The following CTNNA2 variants were observed in gnomAD, a reference collection of about 807,000 sequenced individuals.
The protein encoded by CTNNA2 is catenin alpha 2.
In CTNNA2, 42 loss-of-function variants were observed where a neutral mutation model predicts 101.0. The ratio of observed to expected loss-of-function variants is 0.42; its 90% CI spans 0.32 to 0.54. The LOEUF is 0.54. CTNNA2 is among the 20% of genes least tolerant of loss of function. CTNNA2 has a pLI of 0.14. For synonymous variants in CTNNA2, 450 were observed against 456.4 expected, an observed-to-expected ratio of 0.99 and a Z score of 0.18; for missense variants, 871 against 1,223.1, an observed-to-expected ratio of 0.71 and a Z score of 4.29.
chr2:80,588,294 G>C (rs1297593434), intron 14 of CTNNA2, among the ~76,000 whole-genome samples: 1 of 152,072 alleles, frequency 6.6e-6, no homozygotes. Flanking sequence ...AAACAGCAAA[G>C]TTACTAACAA....
intron 6 of CTNNA2, among the ~76,000 whole-genome samples, chr2:79,892,776 A>C (rs1439285320): frequency 6.6e-6 from 1 of 152,234 alleles, no homozygotes; most frequent in Non-Finnish European, 1.5e-5. Context: ...GAGGCCATCC[A>C]GTATCACTTT....
chr2:79,641,935 G>A (rs902294493), intron 1 of CTNNA2, among the ~76,000 whole-genome samples: 5 of 152,060 alleles, frequency 3.3e-5, no homozygotes, highest in African/African-American at 1.2e-4. Context: ...AGTGAGATAT[G>A]GACATGGTTA....
intron 4 of CTNNA2, among the ~76,000 whole-genome samples, chr2:79,490,479 C>T (rs949681374): frequency 1.3e-5 from 2 of 152,150 alleles, no homozygotes; most frequent in African/African-American, 2.4e-5. Flanking sequence ...CTTTAAACTG[C>T]ATCAATATGC....
intron 7 of CTNNA2, among the ~76,000 whole-genome samples, chr2:80,045,664 C>T (rs1003118202): frequency 2.0e-5 from 3 of 152,042 alleles, no homozygotes; most frequent in Non-Finnish European, 4.4e-5. Context: ...CTCCTGATGC[C>T]ATTTTTTTTC....
Position 79,521,107 on chromosome 2 carries a change from GATATATATAT to G in CTNNA2, c.-6+7952_-6+7961del, listed in dbSNP as rs59797728. On this transcript the variant is annotated intron_variant, in intron 1 of 18. Coordinates refer to ENST00000402739, the MANE Select transcript of CTNNA2 (RefSeq NM_001282597.3). ...CTTTGAGATAGAAAACAAAGCTGCT[GATATATATAT>G]ATATATATATATATATATATATATA... Among the ~76,000 whole-genome samples the G allele has an allele frequency of 3.3e-3, 350 of 104,828 alleles. 2 individuals are homozygous for G. Among genetic ancestry groups the G allele is most frequent in the Non-Finnish European group, 5.0e-3 (260 of 52,456 alleles). The allele number at this position is 104,828 out of a possible 152,430, so 68.8% of individuals were successfully genotyped here. A position where few individuals can be genotyped will look rare whatever the true frequency, so the allele number is the denominator to read the frequency against.
At position 80,522,176 on chromosome 2, in the gene CTNNA2, T is replaced by G. The variant is rs530916448; in HGVS notation, c.1291-22806T>G. Among the ~76,000 whole-genome samples, 32 of 152,292 alleles carry G rather than the reference T, an allele frequency of 2.1e-4. 1 individual carries two copies. In the South Asian group the frequency reaches 6.6e-3, roughly 32 times the overall value. On this transcript the variant is annotated intron_variant, in intron 9 of 18. Transcript: ENST00000402739. ...TCCAAAGTCCATATTCGGAAACAGT[T>G]TTCATGGAGCTCTACTCATTTGCAG...
intron 9 of CTNNA2, among the ~76,000 whole-genome samples, chr2:80,541,891 A>AT (rs1270026914): frequency 6.8e-6 from 1 of 146,294 alleles, no homozygotes; most frequent in Non-Finnish European, 1.5e-5. Context: ...TTTTTTCTAA[A>AT]TGTTTTTTAA....
chr2:79,907,521 T>C (rs1685506143), intron 6 of CTNNA2, among the ~76,000 whole-genome samples: 1 of 150,388 alleles, frequency 6.6e-6, no homozygotes, highest in Non-Finnish European at 1.5e-5. Context: ...CTCTCAGCTT[T>C]CCTTTGGGAC....
At chr2:80,081,494 C>G (rs1034045500) in intron 7 of CTNNA2, among the ~76,000 whole-genome samples, 1 of 143,092 alleles carries the variant, frequency 7.0e-6, no homozygotes, top group African/African-American at 2.7e-5. Flanking sequence ...GTCTCTCTCT[C>G]CCTCCCTCCC....
chr2:80,483,075 G>T lies in CTNNA2; in HGVS notation c.1291-61907G>T, dbSNP rs1304907715. On this transcript the variant is annotated intron_variant, in intron 9 of 18. Coordinates refer to ENST00000402739, the MANE Select transcript of CTNNA2 (RefSeq NM_001282597.3). ...TTGGCTCACTGAGGCTGAGGACCAGGCATGCTTTTGCAAACTGATATATGG... is the reference window on the plus strand; with the variant it reads ...TTGGCTCACTGAGGCTGAGGACCAGTCATGCTTTTGCAAACTGATATATGG... 2.0e-5 allele frequency among the ~76,000 whole-genome samples: 3 copies of T among 152,208 alleles called. No homozygotes were observed. In the East Asian group the frequency reaches 5.8e-4, roughly 29 times the overall value.
At chr2:79,284,839 C>T (rs1277984312) in intron 2 of CTNNA2, among the ~76,000 whole-genome samples, 1 of 145,730 alleles carries the variant, frequency 6.9e-6, no homozygotes, top group Non-Finnish European at 1.5e-5. Flanking sequence ...GGAATGGTAC[C>T]AGTTCCTCCT....
chr2:79,651,463 A>G, intron 1 of CTNNA2, 89 bp from the exon 2 acceptor site: 1 of 1,245,698 alleles, frequency 8.0e-7, no homozygotes, highest in African/African-American at 1.5e-5. Flanking sequence ...GTATGTTCTA[A>G]GTTTCAGTGA....
chr2:79,812,414 A>T lies in CTNNA2; in HGVS notation c.299-45599A>T, dbSNP rs763660705. Among the ~76,000 whole-genome samples the T allele has an allele frequency of 7.5e-4, 114 of 152,232 alleles. 1 individual carries two copies. Among genetic ancestry groups the T allele is most frequent in the Admixed American group, 5.6e-3 (86 of 15,282 alleles). ...TTGGGTTTAGGAAATCTCCTATTGCATGTTTGAGGAGTCACTAGCCTGAAA... is the reference window on the plus strand; with the variant it reads ...TTGGGTTTAGGAAATCTCCTATTGCTTGTTTGAGGAGTCACTAGCCTGAAA... On this transcript the variant is annotated intron_variant, in intron 3 of 18. Transcript: ENST00000402739.
At chr2:79,719,305 A>G (rs555758908) in intron 2 of CTNNA2, among the ~76,000 whole-genome samples, 123 of 152,190 alleles carry the variant, frequency 8.1e-4, no homozygotes, top group African/African-American at 2.3e-3. Context: ...TCTTTATCCA[A>G]TCCACCATTA....
At chr2:79,855,593 G>T (rs906568776) in intron 3 of CTNNA2, among the ~76,000 whole-genome samples, 6 of 152,158 alleles carry the variant, frequency 3.9e-5, no homozygotes, top group African/African-American at 1.4e-4. Context: ...AGCTCCACCT[G>T]CAGGGAAGGG....
intron 7 of CTNNA2, among the ~76,000 whole-genome samples, chr2:79,925,859 T>C (rs1686983425): frequency 7.2e-6 from 1 of 138,754 alleles, no homozygotes; most frequent in African/African-American, 2.8e-5. Context: ...ATGGCATTCT[T>C]TGTTTATACA....
intron 2 of CTNNA2, among the ~76,000 whole-genome samples, chr2:79,250,701 C>T (rs1674760345): frequency 1.3e-5 from 2 of 152,154 alleles, no homozygotes; most frequent in African/African-American, 4.8e-5. Flanking sequence ...TTTTGGCACT[C>T]TTTAGACAAT....
intron 7 of CTNNA2, among the ~76,000 whole-genome samples, chr2:79,968,879 T>G (rs773803996): frequency 2.4e-4 from 36 of 152,124 alleles, no homozygotes; most frequent in Non-Finnish European, 4.0e-4. Context: ...TTATTCCAGA[T>G]TTCATTACTG....
rs1419512660 is a variant in CTNNA2 at position 80,086,344 on chromosome 2, A to G, written c.1056+176547A>G. The stretch of plus-strand genomic sequence containing the variant: ...CTAAATAACCAAAGGCCACACAGAC[A>G]ACATATTTCTATTTGTGCTGATTTA... On this transcript the variant is annotated intron_variant, in intron 7 of 18. Transcript: ENST00000402739. Among the ~76,000 whole-genome samples, 2 of 152,106 alleles carry G rather than the reference A, an allele frequency of 1.3e-5. 1 individual carries two copies. The highest frequency in any genetic ancestry group is 2.9e-5 in the Non-Finnish European group (2 of 67,980).
Sources: gnomAD v4.1 joint callset for allele counts (sites outside exome capture counted in the v4.1 genomes callset) on GRCh38, gnomAD v4.1.1 for gene constraint, MANE v1.5 for transcripts, NCBI Gene and HGNC (gene_info 2026-07-23, HGNC 2026-07-21) for gene names.